Variants in RPS6KC1 observed in about 807,000 individuals in gnomAD.
RPS6KC1 encodes ribosomal protein S6 kinase C1.
Under a neutral mutation model 103.8 loss-of-function variants are expected in RPS6KC1, and 54 were observed. The observed-to-expected ratio is 0.52, with a 90% CI of 0.42 to 0.65. The LOEUF is 0.65. RPS6KC1 is among the 30% of genes least tolerant of loss of function. The pLI, the probability that RPS6KC1 is intolerant of heterozygous loss-of-function variation, is 0.00. For synonymous variants in RPS6KC1, 439 were observed against 438.7 expected, an observed-to-expected ratio of 1.00 and a Z score of -0.01; for missense variants, 1,151 against 1,253.8, an observed-to-expected ratio of 0.92 and a Z score of 1.24.
the RPS6KC1 span, among the ~76,000 whole-genome samples, chr1:213,338,117 T>C: frequency 6.6e-6 from 1 of 152,198 alleles, no homozygotes; most frequent in East Asian, 1.9e-4. Context: ...TGGGAAATGT[T>C]TCCTTAATGT....
the RPS6KC1 span, among the ~76,000 whole-genome samples, chr1:213,624,976 A>G: frequency 6.6e-6 from 1 of 151,880 alleles, no homozygotes; most frequent in Non-Finnish European, 1.5e-5. Context: ...TTATTTATTT[A>G]TTTATTTTGT....
At chr1:213,216,247 A>G (rs762392967) in intron 8 of RPS6KC1, among the ~76,000 whole-genome samples, 26 of 152,240 alleles carry the variant, frequency 1.7e-4, no homozygotes, top group African/African-American at 4.6e-4. Context: ...GATAAAACAG[A>G]CTTTTAACCA....
chr1:213,163,161 T>C (rs1266188203), intron 6 of RPS6KC1, among the ~76,000 whole-genome samples: 1 of 151,844 alleles, frequency 6.6e-6, no homozygotes, highest in South Asian at 2.1e-4. Context: ...CCATCTCAAG[T>C]GTGAGTTTTC....
At chr1:213,718,744 G>C in the RPS6KC1 span, among the ~76,000 whole-genome samples, 1 of 152,192 alleles carries the variant, frequency 6.6e-6, no homozygotes, top group Non-Finnish European at 1.5e-5. Context: ...TCCAGCACTG[G>C]CTGGGCTTTG....
chr1:213,282,736 T>G, the RPS6KC1 span, among the ~76,000 whole-genome samples: 1 of 152,172 alleles, frequency 6.6e-6, no homozygotes, highest in Admixed American at 6.6e-5. Flanking sequence ...TTTAAATACT[T>G]TTTTCAAGGT....
At position 213,107,827 on chromosome 1, in the gene RPS6KC1, C is replaced by T. The variant is rs965526990; in HGVS notation, c.378+3258C>T. On this transcript the variant is annotated intron_variant, in intron 4 of 14. Coordinates refer to ENST00000366960, the MANE Select transcript of RPS6KC1 (RefSeq NM_012424.6). The stretch of plus-strand genomic sequence containing the variant: ...GTCTGATTTTTTAACTGTAGCCATT[C>T]TAGCAGGTGTGCAGTGGCATTTCAC... Among the ~76,000 whole-genome samples the T allele has an allele frequency of 2.0e-5, 3 of 152,214 alleles. No homozygotes were observed. The East Asian group carries it at 5.8e-4, about 29-fold the overall frequency.
the RPS6KC1 span, among the ~76,000 whole-genome samples, chr1:213,748,682 G>A: frequency 6.6e-6 from 1 of 152,176 alleles, no homozygotes; most frequent in Non-Finnish European, 1.5e-5. Context: ...ATGATGCTGG[G>A]CTATAAAGGC....
At chr1:213,252,648 T>C (rs931892671) in intron 12 of RPS6KC1, among the ~76,000 whole-genome samples, 4 of 152,176 alleles carry the variant, frequency 2.6e-5, no homozygotes, top group East Asian at 1.9e-4. Context: ...ATGGTTTTTT[T>C]CCCCCAAAGA....
the RPS6KC1 span, among the ~76,000 whole-genome samples, chr1:213,629,680 G>T: frequency 6.6e-6 from 1 of 152,028 alleles, no homozygotes; most frequent in Non-Finnish European, 1.5e-5. Context: ...TCCTAGCCTC[G>T]ACGGTCTTTA....
intron 7 of RPS6KC1, 37 bp downstream of exon 7, chr1:213,168,010 A>AT (rs1385517615): frequency 2.9e-6 from 4 of 1,382,042 alleles, no homozygotes; most frequent in East Asian, 4.6e-5. Flanking sequence ...TTCTTCAGTG[A>AT]TTTTTTGCTG....
downstream of RPS6KC1, among the ~76,000 whole-genome samples, chr1:213,278,674 C>T (rs768115399): frequency 6.6e-6 from 1 of 152,028 alleles, no homozygotes; most frequent in Non-Finnish European, 1.5e-5. Flanking sequence ...GGTCTCTGAA[C>T]AAAAGATATG....
the RPS6KC1 span, among the ~76,000 whole-genome samples, chr1:213,320,916 C>A: frequency 6.6e-6 from 1 of 152,200 alleles, no homozygotes; most frequent in Non-Finnish European, 1.5e-5. Flanking sequence ...TTCCCCTGCT[C>A]TGTTTCTCAT....
chr1:213,188,963 A>G (rs1290892574), intron 8 of RPS6KC1, among the ~76,000 whole-genome samples: 1 of 152,164 alleles, frequency 6.6e-6, no homozygotes, highest in Non-Finnish European at 1.5e-5. Flanking sequence ...GTTTGATTTC[A>G]TGACTTTACA....
rs188253647 is a variant in RPS6KC1, at chr1:213,057,682, T to G, written c.105+6173T>G. Among the ~76,000 whole-genome samples, 34 of 150,976 alleles carry G rather than the reference T, an allele frequency of 2.3e-4. No individual in the cohort carries two copies. In the East Asian group the frequency reaches 2.3e-3, roughly 10 times the overall value. Reference sequence around the variant, plus strand: ...CTTTATGTTCTGGGTATCTTTTTTTTGGGGTTTGATATGACATTTGTAAAT... The same window carrying G: ...CTTTATGTTCTGGGTATCTTTTTTTGGGGGTTTGATATGACATTTGTAAAT... On this transcript the variant is annotated intron_variant, in intron 1 of 14. Coordinates refer to ENST00000366960, the MANE Select transcript of RPS6KC1 (RefSeq NM_012424.6).
At chr1:213,767,739 C>T in the RPS6KC1 span, among the ~76,000 whole-genome samples, 1 of 152,296 alleles carries the variant, frequency 6.6e-6, no homozygotes, top group East Asian at 1.9e-4. Context: ...CAGCCCTCTT[C>T]ATGGAAGAGA....
chr1:213,789,883 C>T, the RPS6KC1 span, among the ~76,000 whole-genome samples: 1 of 152,140 alleles, frequency 6.6e-6, no homozygotes, highest in Non-Finnish European at 1.5e-5. Context: ...GCTTTTGCTA[C>T]TTGTGACTAT....
intron 3 of RPS6KC1, among the ~76,000 whole-genome samples, chr1:213,089,782 C>G (rs1047835916): frequency 6.6e-6 from 1 of 152,176 alleles, no homozygotes; most frequent in Non-Finnish European, 1.5e-5. Flanking sequence ...GTTAAAGTGC[C>G]TGGCAAGCAT....
chr1:213,446,421 T>A, the RPS6KC1 span, among the ~76,000 whole-genome samples: 3,008 of 152,310 alleles, frequency 0.02, 97 homozygotes, highest in African/African-American at 0.069. Context: ...GACCAAAATC[T>A]ACAGGGCAAG....
the RPS6KC1 span, among the ~76,000 whole-genome samples, chr1:213,862,124 C>T: frequency 6.6e-6 from 1 of 152,164 alleles, no homozygotes; most frequent in Non-Finnish European, 1.5e-5. Flanking sequence ...GAAATGGATT[C>T]TTTCAATAAG....
Sources: gnomAD v4.1 joint callset for allele counts (sites outside exome capture counted in the v4.1 genomes callset) on GRCh38, gnomAD v4.1.1 for gene constraint, MANE v1.5 for transcripts, NCBI Gene and HGNC (gene_info 2026-07-23, HGNC 2026-07-21) for gene names.